CEP152: variants seen among roughly 807,000 people sequenced by gnomAD.
CEP152 encodes centrosomal protein of 152 kDa.
In CEP152, 132 loss-of-function variants were observed where a neutral mutation model predicts 188.9. That is an observed-to-expected ratio of 0.70 (90% CI 0.61 to 0.81). The LOEUF (loss-of-function observed/expected upper bound fraction) is 0.81. Among genes scored for constraint, CEP152 ranks in the 30% least tolerant of loss-of-function variants. The pLI, the probability that CEP152 is intolerant of heterozygous loss-of-function variation, is 0.00. For synonymous variants in CEP152, 649 were observed against 666.6 expected (o/e 0.97, Z 0.41); for missense variants, 1,914 against 1,969.8 (o/e 0.97, Z 0.54).
chr15:48,742,535 A>C (rs564794050), intron 24 of CEP152, among the ~76,000 whole-genome samples: 15 of 152,230 alleles, frequency 9.9e-5, no homozygotes, highest in Non-Finnish European at 1.9e-4. Context: ...AAAAGGAGGC[A>C]GTATGAGCTG....
chr15:48,775,911 C>A, intron 12 of CEP152, among the ~76,000 whole-genome samples: 1 of 93,630 alleles, frequency 1.1e-5, no homozygotes. Flanking sequence ...AATAATATCT[C>A]AATAAAACAG....
At chr15:48,783,775 G>GAAGGCA in intron 10 of CEP152, 198 bp downstream of exon 10, 1 of 181,792 alleles carries the variant, frequency 5.5e-6, no homozygotes, top group Non-Finnish European at 1.0e-5. Context: ...ATGTGTGTAT[G>GAAGGCA]TATATATATA....
At chr15:48,755,759 GC>G in intron 20 of CEP152, 143 bp downstream of exon 20, 1 of 1,486,700 alleles carries the variant, frequency 6.7e-7, no homozygotes, top group Non-Finnish European at 8.9e-7. Flanking sequence ...TTTGGATTTC[GC>G]TACAGAAACT....
intron 7 of CEP152, 71 bp from the exon 8 acceptor site, chr15:48,791,447 A>T (rs1443470659): frequency 7.7e-7 from 1 of 1,303,852 alleles, no homozygotes. Context: ...TCCCAATCAG[A>T]TGTCACGTCT....
chr15:48,764,630 T>A (rs1894922419), intron 17 of CEP152, among the ~76,000 whole-genome samples: 1 of 152,180 alleles, frequency 6.6e-6, no homozygotes, highest in South Asian at 2.1e-4. Context: ...CTTCACTGAT[T>A]ACTACCCAAC....
intron 1 of CEP152, among the ~76,000 whole-genome samples, chr15:48,809,733 A>G (rs1898207643): frequency 6.6e-6 from 1 of 152,236 alleles, no homozygotes; most frequent in South Asian, 2.1e-4. Flanking sequence ...ATGTAAAGTA[A>G]TTAGCACTAT....
chr15:48,757,612 G>A (rs574461283), intron 19 of CEP152, among the ~76,000 whole-genome samples: 1 of 152,270 alleles, frequency 6.6e-6, no homozygotes, highest in South Asian at 2.1e-4. Context: ...ACGCACTAGT[G>A]TCAAAAGACA....
intron 19 of CEP152, among the ~76,000 whole-genome samples, chr15:48,757,776 C>T (rs1474848638): frequency 6.6e-6 from 1 of 152,222 alleles, no homozygotes; most frequent in Non-Finnish European, 1.5e-5. Flanking sequence ...AAAGAATTCA[C>T]TGCAAAATTC....
At chr15:48,805,881 T>C (rs1384023243) in intron 1 of CEP152, among the ~76,000 whole-genome samples, 1 of 152,176 alleles carries the variant, frequency 6.6e-6, no homozygotes, top group African/African-American at 2.4e-5. Flanking sequence ...AATAAAGCTA[T>C]GAATAGACCT....
intron 6 of CEP152, among the ~76,000 whole-genome samples, chr15:48,794,876 G>A (rs1416082682): frequency 6.6e-6 from 1 of 152,154 alleles, no homozygotes; most frequent in Non-Finnish European, 1.5e-5. Flanking sequence ...ACTCCTTCAG[G>A]GGAAAATGAA....
At chr15:48,780,346 T>G (rs1031638531) in intron 12 of CEP152, among the ~76,000 whole-genome samples, 3 of 152,212 alleles carry the variant, frequency 2.0e-5, no homozygotes, top group African/African-American at 7.2e-5. Context: ...TATTTCTACT[T>G]ACTGAATCTC....
intron 9 of CEP152, among the ~76,000 whole-genome samples, chr15:48,785,266 T>C (rs79216457): frequency 0.036 from 5,490 of 152,290 alleles, 124 homozygotes; most frequent in Middle Eastern, 0.048. Context: ...TAAAAATCCA[T>C]GTGAATTTTG....
chr15:48,741,788 G>A (rs1892992784), intron 25 of CEP152, 84 bp from the exon 26 acceptor site: 1 of 1,609,814 alleles, frequency 6.2e-7, no homozygotes, highest in Admixed American at 1.7e-5. Flanking sequence ...TTTTCCTATT[G>A]GCTCTGCCAA....
At chr15:48,801,288 C>T (rs547615547) in intron 2 of CEP152, among the ~76,000 whole-genome samples, 1 of 152,130 alleles carries the variant, frequency 6.6e-6, no homozygotes, top group Admixed American at 6.5e-5. Flanking sequence ...AAAATGCTTC[C>T]GCAATTACAT....
chr15:48,761,715 A>T (rs1258398605), intron 18 of CEP152, among the ~76,000 whole-genome samples: 4 of 152,208 alleles, frequency 2.6e-5, no homozygotes, highest in Non-Finnish European at 5.9e-5. Flanking sequence ...CCCAATTTTT[A>T]AAATTGTAAA....
rs892094392 is a variant in CEP152, at chr15:48,748,445, C to T, written c.3632G>A (p.Gly1211Glu). ...RKHKAVVEKI[G>E]EENNKVVEEL... ...GCAGTGCTACTTTAAATGCTAACCT[C>T]CAATTTTTTCCACTACAGCTTTGTG... The change falls in exon 22 of 27, where the codon GGA (glycine) becomes GAA (glutamate). Residue 1211 changes from glycine (G) to glutamate (E), a missense_variant and splice_region_variant. Physicochemically the swap from Gly to Glu is moderately conservative, Grantham distance 98 (BLOSUM62 -2). Coordinates refer to ENST00000380950, the MANE Select transcript of CEP152 (RefSeq NM_001194998.2). 1 of 1,528,058 alleles carries T rather than the reference C, an allele frequency of 6.5e-7. No homozygotes were observed. The highest frequency in any genetic ancestry group is 8.7e-7 in the Non-Finnish European group (1 of 1,143,734). 94.7% of individuals were successfully genotyped at this position (1,528,058 alleles called of 1,614,324 possible). A position where few individuals can be genotyped will look rare whatever the true frequency, so the allele number is the denominator to read the frequency against.
At chr15:48,780,481 T>A (rs886630084) in intron 12 of CEP152, among the ~76,000 whole-genome samples, 11 of 152,212 alleles carry the variant, frequency 7.2e-5, no homozygotes, top group Non-Finnish European at 1.6e-4. Flanking sequence ...AAATACAACA[T>A]GTATTAAACA....
intron 20 of CEP152, among the ~76,000 whole-genome samples, chr15:48,753,709 T>C (rs980111661): frequency 6.6e-6 from 1 of 152,220 alleles, no homozygotes; most frequent in Non-Finnish European, 1.5e-5. Context: ...CAGTTTTAAC[T>C]TGACTTTGAT....
At chr15:48,798,117 T>C (rs1259407339) in intron 2 of CEP152, 66 bp from the exon 3 acceptor site, 1 of 1,303,936 alleles carries the variant, frequency 7.7e-7, no homozygotes, top group Non-Finnish European at 1.1e-6. Context: ...CAAAGCTGCC[T>C]TGGAACGAGT....
Sources: allele counts gnomAD v4.1 joint callset (sites outside exome capture counted in the v4.1 genomes callset), GRCh38; gene constraint gnomAD v4.1.1; transcripts MANE v1.5; gene names NCBI Gene and HGNC (gene_info 2026-07-23, HGNC 2026-07-21).